The following ICE2 variants were observed in gnomAD, a reference collection of about 807,000 sequenced individuals.
ICE2 encodes the protein little elongation complex subunit 2.
In ICE2, 87 loss-of-function variants were observed where a neutral mutation model predicts 105.4. The ratio of observed to expected loss-of-function variants is 0.83; its 90% CI spans 0.69 to 0.99. The LOEUF is 0.99. Ranked by LOEUF, ICE2 falls within the 50% of genes least tolerant of loss-of-function variation. The pLI is 0.00. For missense variants in ICE2, 1,323 were observed against 1,146.7 expected (o/e 1.15, Z -2.22); for synonymous variants, 399 against 392.0 (o/e 1.02, Z -0.21).
Position 60,455,332 on chromosome 15 carries a change from C to T in ICE2, c.777G>A (p.Met259Ile). ...ATGTTGCCTTGGTACTTACATAATG[C>T]ATAGCTTCAGCTGTTTGTTCTGACG... ...IETSEQTAEA[M>I]HYDISKDPNA... The change falls in exon 7 of 16, where the codon ATG (methionine) becomes ATA (isoleucine). Residue 259 changes from methionine (M) to isoleucine (I), a missense_variant. Met to Ile is a conservative substitution (Grantham distance 10). Transcript: ENST00000261520. The T allele has an allele frequency of 6.2e-7, 1 of 1,610,560 alleles. No homozygotes were observed. The highest frequency in any genetic ancestry group is 8.5e-7 in the Non-Finnish European group (1 of 1,177,094).
In ICE2 at chr15:60,477,942, C is replaced by T; in HGVS notation, c.36G>A (p.Leu12=). Residue 12 remains leucine, a synonymous_variant, in exon 2 of 16, where the codon CTG becomes CTA. Transcript: ENST00000261520. ...ACAAAGTGGCTACAACTCACCAATTCAGTCCTGGTTCACTTATGACCATCT... is the reference window on the plus strand; with the variant it reads ...ACAAAGTGGCTACAACTCACCAATTTAGTCCTGGTTCACTTATGACCATCT... ...SSKMVISEPG[L]NWDISPKNGL... is the part of the protein sequence containing the mutation. 3 of 1,614,032 alleles carry T rather than the reference C, an allele frequency of 1.9e-6. No individual in the cohort carries two copies. Among genetic ancestry groups the T allele is most frequent in the Non-Finnish European group, 2.5e-6 (3 of 1,179,870 alleles).
At chr15:60,451,286 T>C (rs917885592) in intron 9 of ICE2, 3 of 715,124 alleles carry the variant, frequency 4.2e-6, no homozygotes, top group Non-Finnish European at 5.1e-6. Context: ...ACTACAAAGA[T>C]ACACTTTTTC....
At chr15:60,458,120 A>G (rs947634892) in intron 5 of ICE2, among the ~76,000 whole-genome samples, 1 of 152,198 alleles carries the variant, frequency 6.6e-6, no homozygotes, top group African/African-American at 2.4e-5. Context: ...ACTCTGATAC[A>G]TTATACAATT....
intron 12 of ICE2, 59 bp from the exon 13 acceptor site, chr15:60,436,286 A>T (rs2063585414): frequency 1.6e-6 from 1 of 632,262 alleles, no homozygotes; most frequent in Non-Finnish European, 2.6e-6. Context: ...GAAAAAAAAA[A>T]AACCAAGTTA....
At chr15:60,459,851 G>T (rs1215368126) in intron 5 of ICE2, among the ~76,000 whole-genome samples, 1 of 151,180 alleles carries the variant, frequency 6.6e-6, no homozygotes, top group Non-Finnish European at 1.5e-5. Context: ...ACAGAGAGGG[G>T]GACACTAGGA....
chr15:60,452,859 A>T, intron 9 of ICE2: 1 of 985,370 alleles, frequency 1.0e-6, no homozygotes, highest in Non-Finnish European at 1.2e-6. Context: ...TACTAAGTAT[A>T]CTGAAGATTA....
chr15:60,455,466 TTA>T, intron 6 of ICE2, 24 bp from the exon 7 acceptor site: 1 of 1,478,002 alleles, frequency 6.8e-7, no homozygotes. Context: ...AAAAATCATT[TTA>T]TTGCAAAAAT....
chr15:60,469,622 T>C (rs1234926634), intron 3 of ICE2, among the ~76,000 whole-genome samples: 1 of 152,180 alleles, frequency 6.6e-6, no homozygotes, highest in East Asian at 1.9e-4. Context: ...CTTTCAAAGA[T>C]CAAGTATAAC....
chr15:60,460,052 T>C (rs2064232005), intron 5 of ICE2, among the ~76,000 whole-genome samples: 1 of 152,204 alleles, frequency 6.6e-6, no homozygotes, highest in African/African-American at 2.4e-5. Flanking sequence ...CCCACCTAGA[T>C]TTTTGTAGAA....
chr15:60,464,490 T>C (rs1430783489), intron 5 of ICE2, among the ~76,000 whole-genome samples: 1 of 152,154 alleles, frequency 6.6e-6, no homozygotes, highest in Non-Finnish European at 1.5e-5. Flanking sequence ...AGGTGACATC[T>C]GAACAGACAG....
At chr15:60,457,175 A>G (rs182863403) in intron 5 of ICE2, among the ~76,000 whole-genome samples, 2 of 152,294 alleles carry the variant, frequency 1.3e-5, no homozygotes, top group African/African-American at 4.8e-5. Context: ...TGAATTAATG[A>G]AGTAGTTATC....
At position 60,449,360 on chromosome 15, in the gene ICE2, T is replaced by G. The variant is rs1170809661; in HGVS notation, c.1607A>C (p.His536Pro). 6.2e-7 allele frequency: 1 copy of G among 1,613,276 alleles called. No individual in the cohort carries two copies. The highest frequency in any genetic ancestry group is 1.7e-5 in the Admixed American group (1 of 59,994). The change falls in exon 10 of 16, where the codon CAT (histidine) becomes CCT (proline). Residue 536 changes from histidine to proline, a missense_variant. Transcript: ENST00000261520. ...AACATTAGGTCTTTCACCATCAGCA[T>G]GTAATATATCTATAGTCATATCATT... ...NKNDMTIDILHADGERPNVLE... is the reference protein window; with the variant it reads ...NKNDMTIDILPADGERPNVLE...
At position 60,465,607 on chromosome 15, in the gene ICE2, G is replaced by C. The variant is rs181713080; in HGVS notation, c.528+987C>G. On this transcript the variant is annotated intron_variant, in intron 5 of 15. Coordinates refer to ENST00000261520, the MANE Select transcript of ICE2 (RefSeq NM_024611.6). ...TATCCCTTTTTAAGTGTAGAGTTCAGTAGTGTTAAATATATTAACACTATT... is the reference window on the plus strand; with the variant it reads ...TATCCCTTTTTAAGTGTAGAGTTCACTAGTGTTAAATATATTAACACTATT... 3.9e-5 allele frequency among the ~76,000 whole-genome samples: 6 copies of C among 152,052 alleles called. No homozygotes were observed. In the East Asian group the frequency reaches 1.2e-3, roughly 29 times the overall value.
intron 3 of ICE2, 139 bp downstream of exon 3, chr15:60,475,924 T>C (rs564282822): frequency 3.6e-6 from 2 of 554,564 alleles, no homozygotes; most frequent in East Asian, 3.2e-5. Flanking sequence ...TCTGAAAAGA[T>C]AAATACCAGT....
chr15:60,464,783 T>A (rs947760420), intron 5 of ICE2, among the ~76,000 whole-genome samples: 22 of 152,138 alleles, frequency 1.4e-4, no homozygotes, highest in Non-Finnish European at 7.3e-5. Flanking sequence ...TCTGAGAGGC[T>A]GACGCAGAAG....
intron 11 of ICE2, among the ~76,000 whole-genome samples, chr15:60,444,299 C>A (rs1056345072): frequency 2.0e-5 from 3 of 152,016 alleles, no homozygotes; most frequent in African/African-American, 7.2e-5. Context: ...TTTGATAAAA[C>A]TACTCTATCT....
At chr15:60,460,078 C>G (rs2064232387) in intron 5 of ICE2, among the ~76,000 whole-genome samples, 1 of 152,064 alleles carries the variant, frequency 6.6e-6, no homozygotes, top group Admixed American at 6.5e-5. Context: ...CAAGCTGATT[C>G]CAAAATTTAC....
At chr15:60,470,941 T>G (rs1442778195) in intron 3 of ICE2, among the ~76,000 whole-genome samples, 1 of 152,196 alleles carries the variant, frequency 6.6e-6, no homozygotes, top group Admixed American at 6.5e-5. Context: ...CTGATACGGC[T>G]GAGAACTACT....
Position 60,420,975 on chromosome 15 carries a change from G to GTAATCTA in ICE2, c.*2652_*2658dup, listed in dbSNP as rs1476363745. 6.6e-6 allele frequency: 1 copy of GTAATCTA among 151,828 alleles called. No individual in the cohort carries two copies. Among genetic ancestry groups the GTAATCTA allele is most frequent in the African/African-American group, 2.4e-5 (1 of 41,124 alleles). The allele number at this position is 151,828 out of a possible 1,614,324, so 9.4% of individuals were successfully genotyped here. On this transcript the variant is annotated 3_prime_UTR_variant, in exon 16 of 16. Transcript: ENST00000261520. The stretch of plus-strand genomic sequence containing the variant: ...ATATGCCCCTGTCCTTGCAGAGCTT[G>GTAATCTA]TAATCTATAAGAAAAGAAAATCAAA...
Sources: gnomAD v4.1 joint callset for allele counts (sites outside exome capture counted in the v4.1 genomes callset) on GRCh38, gnomAD v4.1.1 for gene constraint, MANE v1.5 for transcripts, NCBI Gene and HGNC (gene_info 2026-07-23, HGNC 2026-07-21) for gene names.